ACADM: variants seen among roughly 807,000 people sequenced by gnomAD.
ACADM encodes the protein medium-chain specific acyl-CoA dehydrogenase, mitochondrial.
ACADM carries 49 observed loss-of-function variants against 58.9 expected under a neutral mutation model. That is an observed-to-expected ratio of 0.83 (90% CI 0.66 to 1.06). The LOEUF is 1.06. Ranked by LOEUF, ACADM falls within the 50% of genes least tolerant of loss-of-function variation. The pLI is 0.00. For synonymous variants in ACADM, 160 were observed against 157.7 expected (o/e 1.01, Z -0.11); for missense variants, 496 against 507.0 (o/e 0.98, Z 0.21).
intron 10 of ACADM, among the ~76,000 whole-genome samples, chr1:75,760,203 C>G (rs1648749082): frequency 7.1e-6 from 1 of 141,800 alleles, no homozygotes; most frequent in Non-Finnish European, 1.5e-5. Flanking sequence ...GGTGGATCAC[C>G]TGCGATCAGG....
intron 8 of ACADM, among the ~76,000 whole-genome samples, chr1:75,746,869 G>T (rs1647933243): frequency 1.3e-5 from 2 of 152,154 alleles, no homozygotes; most frequent in African/African-American, 4.8e-5. Context: ...AAAGTGCTGG[G>T]ATTACAGGCA....
At position 75,761,517 on chromosome 1, in the gene ACADM, T is replaced by C. The variant is rs550321953; in HGVS notation, c.1194+147T>C. The stretch of plus-strand genomic sequence containing the variant: ...GCTGTGAGCCAGTTTTTGGAATTAA[T>C]TAATAGAAAGAAGAATGTTATTTGT... On this transcript the variant is annotated intron_variant, in intron 11 of 11. Coordinates refer to ENST00000370841, the MANE Select transcript of ACADM (RefSeq NM_000016.6). The C allele has an allele frequency of 7.3e-6, 6 of 820,634 alleles. No individual in the cohort carries two copies. In the South Asian group the frequency reaches 7.6e-5, roughly 10 times the overall value. 50.8% of individuals were successfully genotyped at this position (820,634 alleles called of 1,614,324 possible). A position where few individuals can be genotyped will look rare whatever the true frequency, so the allele number is the denominator to read the frequency against.
intron 7 of ACADM, chr1:75,743,438 C>A: frequency 1.2e-6 from 2 of 1,610,338 alleles, no homozygotes; most frequent in Non-Finnish European, 1.7e-6. Flanking sequence ...AAGAGGAGGA[C>A]TCTGGGATCC....
intron 10 of ACADM, among the ~76,000 whole-genome samples, chr1:75,760,432 A>T (rs1412290770): frequency 7.1e-6 from 1 of 140,972 alleles, no homozygotes; most frequent in South Asian, 2.1e-4. Context: ...AGAAAAAAAA[A>T]AAGAAAAGTC....
chr1:75,761,048 A>C (rs1648814435), intron 10 of ACADM, 74 bp from the exon 11 acceptor site: 1 of 1,446,168 alleles, frequency 6.9e-7, no homozygotes, highest in Non-Finnish European at 9.4e-7. Context: ...CACTATAAAA[A>C]TGAAAAAGCC....
intron 7 of ACADM, among the ~76,000 whole-genome samples, chr1:75,745,205 G>A (rs1647827931): frequency 6.6e-6 from 1 of 152,120 alleles, no homozygotes; most frequent in Non-Finnish European, 1.5e-5. Flanking sequence ...TGTAAATGTA[G>A]GCCAGGCATG....
chr1:75,753,150 GTGGC>G (rs1648298445), intron 10 of ACADM, among the ~76,000 whole-genome samples: 1 of 151,918 alleles, frequency 6.6e-6, no homozygotes, highest in African/African-American at 2.4e-5. Flanking sequence ...CAGCTTCTTT[GTGGC>G]CCTCCTATGC....
intron 10 of ACADM, among the ~76,000 whole-genome samples, chr1:75,760,465 C>T (rs984659327): frequency 5.5e-5 from 7 of 127,288 alleles, no homozygotes; most frequent in African/African-American, 1.2e-4. Flanking sequence ...GGGGCTGAGG[C>T]GGGAGGGTCG....
intron 10 of ACADM, among the ~76,000 whole-genome samples, chr1:75,756,596 T>C (rs1648521258): frequency 6.6e-6 from 1 of 152,218 alleles, no homozygotes; most frequent in Non-Finnish European, 1.5e-5. Context: ...TCCATGCTCA[T>C]GGGTAGGAAG....
chr1:75,752,796 A>G (rs1013557265), intron 10 of ACADM, among the ~76,000 whole-genome samples: 3 of 151,924 alleles, frequency 2.0e-5, no homozygotes, highest in African/African-American at 7.3e-5. Context: ...TAACTCTTTT[A>G]TGGTCAATTA....
rs142821925 is a variant in ACADM, at chr1:75,762,069, G to T, written c.1195-623G>T. On this transcript the variant is annotated intron_variant, in intron 11 of 11. Transcript: ENST00000370841. ...ATGAAAAAACTGAGGTCCAGAATTT[G>T]TGCCTTATCCAAAGTCACAGGTTTA... Among the ~76,000 whole-genome samples the T allele has an allele frequency of 4.6e-5, 7 of 152,160 alleles. No homozygotes were observed. In the East Asian group the frequency reaches 1.2e-3, roughly 25 times the overall value.
intron 2 of ACADM, among the ~76,000 whole-genome samples, chr1:75,730,398 TTATC>T (rs1431837936): frequency 6.6e-6 from 1 of 152,168 alleles, no homozygotes; most frequent in African/African-American, 2.4e-5. Flanking sequence ...ATCTGGTTCT[TTATC>T]TGTAAAGTGG....
At chr1:75,733,140 C>A (rs1337331309) in intron 4 of ACADM, 2 of 1,612,652 alleles carry the variant, frequency 1.2e-6, no homozygotes, top group Non-Finnish European at 1.7e-6. Flanking sequence ...TAACTTGCAC[C>A]TAAACCTTGG....
At chr1:75,733,290 A>G (rs1647184213) in intron 4 of ACADM, 4 of 1,277,954 alleles carry the variant, frequency 3.1e-6, no homozygotes, top group Non-Finnish European at 4.2e-6. Context: ...TAACAAAATC[A>G]AGTTAGAACA....
chr1:75,743,848 A>G, intron 7 of ACADM: 2 of 1,409,624 alleles, frequency 1.4e-6, no homozygotes, highest in Non-Finnish European at 2.0e-6. Context: ...ATCCCTATAT[A>G]CCACCTCTTT....
At chr1:75,744,511 C>T (rs1557453961) in intron 7 of ACADM, 4 of 1,527,602 alleles carry the variant, frequency 2.6e-6, no homozygotes, top group Admixed American at 1.7e-5. Flanking sequence ...AGCTTTCTCC[C>T]ACCTGACATC....
intron 10 of ACADM, among the ~76,000 whole-genome samples, chr1:75,759,659 T>TC (rs1181841455): frequency 1.6e-4 from 21 of 131,240 alleles, no homozygotes; most frequent in African/African-American, 6.0e-4. Context: ...CAACTTTCTT[T>TC]TTTTTTTTTT....
intron 7 of ACADM, among the ~76,000 whole-genome samples, chr1:75,741,837 A>G (rs1317501858): frequency 6.6e-6 from 1 of 152,214 alleles, no homozygotes; most frequent in East Asian, 1.9e-4. Context: ...TAGAACATGA[A>G]TTAGACAGAT....
chr1:75,751,800 A>T (rs1267310309), intron 10 of ACADM, among the ~76,000 whole-genome samples: 1 of 151,994 alleles, frequency 6.6e-6, no homozygotes, highest in Non-Finnish European at 1.5e-5. Flanking sequence ...CGCCTGGCCT[A>T]TGTTATACTC....
Sources: gnomAD v4.1 joint callset for allele counts (sites outside exome capture counted in the v4.1 genomes callset) on GRCh38, gnomAD v4.1.1 for gene constraint, MANE v1.5 for transcripts, NCBI Gene and HGNC (gene_info 2026-07-23, HGNC 2026-07-21) for gene names.